The following SND1 variants were observed in gnomAD, a reference collection of about 807,000 sequenced individuals.
SND1 encodes staphylococcal nuclease and tudor domain containing 1.
A neutral mutation model predicts 121.7 loss-of-function variants in SND1; 38 were observed. That is an observed-to-expected ratio of 0.31 (90% CI 0.24 to 0.41). SND1 has a LOEUF of 0.41. SND1 is among the 10% of genes least tolerant of loss of function. The pLI, the probability that SND1 is intolerant of heterozygous loss-of-function variation, is 1.00. For missense variants in SND1, 868 were observed against 1,184.6 expected (o/e 0.73, Z 3.92); for synonymous variants, 401 against 447.4 (o/e 0.90, Z 1.31).
At chr7:127,897,399 A>G (rs1800142142) in intron 13 of SND1, among the ~76,000 whole-genome samples, 1 of 152,190 alleles carries the variant, frequency 6.6e-6, no homozygotes, top group Non-Finnish European at 1.5e-5. Flanking sequence ...TTATGTAACA[A>G]GTATTTTATC....
chr7:127,780,539 G>T (rs1436982032), intron 10 of SND1, among the ~76,000 whole-genome samples: 1 of 152,034 alleles, frequency 6.6e-6, no homozygotes, highest in Admixed American at 6.6e-5. Context: ...CAGCATTGTT[G>T]TATTTCTGTT....
chr7:127,855,010 A>G (rs1351121395), intron 12 of SND1, among the ~76,000 whole-genome samples: 1 of 149,612 alleles, frequency 6.7e-6, no homozygotes, highest in African/African-American at 2.5e-5. Context: ...TTGAGTGCTG[A>G]GTGCTTTTTT....
chr7:127,849,212 T>G (rs1760003507), intron 12 of SND1, among the ~76,000 whole-genome samples: 1 of 152,232 alleles, frequency 6.6e-6, no homozygotes, highest in African/African-American at 2.4e-5. Flanking sequence ...CTTAAATAAC[T>G]CTTCTTATGA....
intron 12 of SND1, among the ~76,000 whole-genome samples, chr7:127,870,447 G>C (rs998920024): frequency 5.9e-5 from 9 of 152,094 alleles, no homozygotes; most frequent in African/African-American, 2.2e-4. Context: ...TTTGGTCATC[G>C]TTGGAACATC....
intron 15 of SND1, among the ~76,000 whole-genome samples, chr7:127,983,155 G>C (rs367551275): frequency 2.0e-5 from 3 of 152,080 alleles, no homozygotes; most frequent in Admixed American, 2.0e-4. Context: ...TTACAATTTT[G>C]TTTTGTTTTT....
intron 15 of SND1, among the ~76,000 whole-genome samples, chr7:127,979,776 T>G (rs1352136705): frequency 1.3e-5 from 2 of 152,254 alleles, no homozygotes; most frequent in Non-Finnish European, 2.9e-5. Context: ...GAGGAATTTA[T>G]TATATCCTAT....
chr7:128,036,447 T>A (rs1354419709), intron 16 of SND1, among the ~76,000 whole-genome samples: 1 of 152,220 alleles, frequency 6.6e-6, no homozygotes, highest in Non-Finnish European at 1.5e-5. Context: ...TACCCACTCT[T>A]CTGAGTGTGC....
At chr7:127,709,968 A>G (rs1013184517) in intron 9 of SND1, among the ~76,000 whole-genome samples, 2 of 152,042 alleles carry the variant, frequency 1.3e-5, no homozygotes, top group African/African-American at 2.4e-5. Flanking sequence ...ATGAAACACT[A>G]TGACTTGGCC....
In SND1 at chr7:127,703,326, G is replaced by A. The variant is rs553118168; in HGVS notation, c.840+3G>A. On this transcript the variant is annotated splice_donor_region_variant and intron_variant, in intron 7 of 23. Coordinates refer to ENST00000354725, the MANE Select transcript of SND1 (RefSeq NM_014390.4). ...TTCTGGGTACCATCCTTCATCCAGT[G>A]AGTGTGTCTGTGCAGACTGGGTGGT... The A allele has an allele frequency of 6.2e-7, 1 of 1,614,094 alleles. No individual in the cohort carries two copies. The highest frequency in any genetic ancestry group is 1.3e-5 in the African/African-American group (1 of 75,048).
intron 10 of SND1, among the ~76,000 whole-genome samples, chr7:127,798,760 C>G (rs77628611): frequency 4.6e-5 from 7 of 152,070 alleles, no homozygotes; most frequent in Admixed American, 2.0e-4. Context: ...TAAAAATTCA[C>G]ATGGTCAGAT....
At chr7:128,059,021 C>T (rs1245871324) in intron 16 of SND1, among the ~76,000 whole-genome samples, 49 of 152,272 alleles carry the variant, frequency 3.2e-4, no homozygotes, top group Non-Finnish European at 7.3e-5. Flanking sequence ...CTAATGTCTA[C>T]TTGCACCTCC....
chr7:127,700,611 T>A (rs1796084494), intron 4 of SND1, among the ~76,000 whole-genome samples: 1 of 152,232 alleles, frequency 6.6e-6, no homozygotes, highest in Admixed American at 6.5e-5. Flanking sequence ...TTTGGTTTCT[T>A]GCCTGATGAA....
intron 1 of SND1, among the ~76,000 whole-genome samples, chr7:127,679,852 G>A (rs1795683730): frequency 6.6e-6 from 1 of 152,018 alleles, no homozygotes; most frequent in South Asian, 2.1e-4. Context: ...AACATTTATT[G>A]TTTTCTCTCT....
rs1793601619 is a variant in SND1, at chr7:128,081,507, T to C, written c.2110+6T>C. The C allele has an allele frequency of 1.2e-6, 2 of 1,613,458 alleles. No individual in the cohort carries two copies. Among genetic ancestry groups the C allele is most frequent in the Admixed American group, 1.7e-5 (1 of 60,012 alleles). On this transcript the variant is annotated splice_donor_region_variant and intron_variant, in intron 18 of 23. Coordinates refer to ENST00000354725, the MANE Select transcript of SND1 (RefSeq NM_014390.4). ...CGTGCAGGATGTGGAGACCGGTGAG[T>C]GCTCAGGCCGCTGGCTCGTGGTTCC...
intron 11 of SND1, among the ~76,000 whole-genome samples, chr7:127,820,312 T>A (rs1331982022): frequency 1.3e-5 from 2 of 152,214 alleles, no homozygotes; most frequent in African/African-American, 4.8e-5. Context: ...ATCAGAATGA[T>A]TGACTTCTTG....
At chr7:128,083,286 G>C (rs1390888400) in intron 18 of SND1, among the ~76,000 whole-genome samples, 3 of 152,094 alleles carry the variant, frequency 2.0e-5, no homozygotes, top group Admixed American at 2.0e-4. Context: ...TGTTGCCTTG[G>C]AGCAAAAAAA....
intron 15 of SND1, among the ~76,000 whole-genome samples, chr7:127,982,322 A>G (rs1441156170): frequency 6.6e-6 from 1 of 152,192 alleles, no homozygotes; most frequent in Non-Finnish European, 1.5e-5. Flanking sequence ...AAATCCGAAC[A>G]ACCTAATAAA....
chr7:127,678,715 C>G (rs1795657287), intron 1 of SND1, among the ~76,000 whole-genome samples: 1 of 152,142 alleles, frequency 6.6e-6, no homozygotes, highest in South Asian at 2.1e-4. Context: ...TTTTAATTTT[C>G]AAGAGATGAT....
chr7:127,874,003 G>A (rs754989964), intron 12 of SND1, among the ~76,000 whole-genome samples: 1 of 152,146 alleles, frequency 6.6e-6, no homozygotes, highest in Non-Finnish European at 1.5e-5. Flanking sequence ...CCTGCAAAGG[G>A]CCAAGAAGCA....
Sources: allele counts gnomAD v4.1 joint callset (sites outside exome capture counted in the v4.1 genomes callset), GRCh38; gene constraint gnomAD v4.1.1; transcripts MANE v1.5; gene names NCBI Gene and HGNC (gene_info 2026-07-23, HGNC 2026-07-21).